Variants in MPDZ observed in about 807,000 individuals in gnomAD.
The protein encoded by MPDZ is multiple PDZ domain protein.
MPDZ carries 234 observed loss-of-function variants against 239.1 expected under a neutral mutation model. The observed-to-expected ratio is 0.98, with a 90% CI of 0.88 to 1.09. MPDZ has a LOEUF of 1.09. Ranked by LOEUF, MPDZ falls within the 50% of genes least tolerant of loss-of-function variation. The pLI is 0.00. For synonymous variants in MPDZ, 1,048 were observed against 881.3 expected (o/e 1.19, Z -3.35); for missense variants, 3,175 against 2,510.0 (o/e 1.26, Z -5.66).
At chr9:13,169,842 A>C (rs1951559151) in intron 21 of MPDZ, among the ~76,000 whole-genome samples, 1 of 152,126 alleles carries the variant, frequency 6.6e-6, no homozygotes, top group South Asian at 2.1e-4. Context: ...CCACAAATGC[A>C]TCTCGTCTCT....
chr9:13,133,850 T>A lies in MPDZ; in HGVS notation c.4438A>T (p.Asn1480Tyr). The A allele has an allele frequency of 3.1e-6, 5 of 1,607,028 alleles. No homozygotes were observed. The highest frequency in any genetic ancestry group is 4.3e-6 in the Non-Finnish European group (5 of 1,175,384). The change falls in exon 32 of 47, where the codon AAT becomes TAT. Residue 1480 changes from asparagine (N) to tyrosine (Y), a missense_variant. Transcript: ENST00000319217. ...TTGGGAAGCTCCAGATGTTGCACAT[T>A]TTTAAATGAACTGAGGTCCACAGCT... ...DAAVDLSSFK[N>Y]VQHLELPKDQ...
intron 1 of MPDZ, among the ~76,000 whole-genome samples, chr9:13,255,527 G>T (rs1969227565): frequency 6.6e-6 from 1 of 152,160 alleles, no homozygotes; most frequent in Non-Finnish European, 1.5e-5. Context: ...AATAAGACTT[G>T]AAAGTCAAAA....
In MPDZ at chr9:13,237,988, C is replaced by T. The variant is rs115353366; in HGVS notation, c.183+9647G>A. 4.8e-3 allele frequency among the ~76,000 whole-genome samples: 735 copies of T among 152,214 alleles called. 4 individuals carry two copies. The highest frequency in any genetic ancestry group is 0.016 in the African/African-American group (652 of 41,550). ...TTTTCCTGTAGTAGAGAGTGAAATACTTATTGATTTGGTTTCAGATTTCAC... is the reference window on the plus strand; with the variant it reads ...TTTTCCTGTAGTAGAGAGTGAAATATTTATTGATTTGGTTTCAGATTTCAC... On this transcript the variant is annotated intron_variant, in intron 3 of 46. Transcript: ENST00000319217.
chr9:13,278,257 G>A (rs13289853), intron 1 of MPDZ, among the ~76,000 whole-genome samples: 1,682 of 152,180 alleles, frequency 0.011, 14 homozygotes, highest in Middle Eastern at 0.02. Context: ...TGATACCTAG[G>A]AAACACTAGC....
At chr9:13,126,832 G>GGATA in intron 32 of MPDZ, 60 bp from the exon 33 acceptor site, 1 of 1,372,690 alleles carries the variant, frequency 7.3e-7, no homozygotes, top group Non-Finnish European at 1.0e-6. Context: ...TTATCCAAAT[G>GGATA]GATACCAAGG....
rs772848873 is a variant in MPDZ at position 13,223,560 on chromosome 9, G to A, written c.533+11C>T. On this transcript the variant is annotated intron_variant, in intron 5 of 46. Coordinates refer to ENST00000319217, the MANE Select transcript of MPDZ (RefSeq NM_001378778.1). Reference sequence around the variant, plus strand: ...GGATCAAAAACAAAGAAGACGCCGCGACCATCTCACCTATGGGCCACACTG... The same window carrying A: ...GGATCAAAAACAAAGAAGACGCCGCAACCATCTCACCTATGGGCCACACTG... The A allele has an allele frequency of 1.9e-6, 3 of 1,596,204 alleles. No homozygotes were observed. The highest frequency in any genetic ancestry group is 2.3e-5 in the South Asian group (2 of 87,272).
At chr9:13,177,392 A>G (rs1952636366) in intron 19 of MPDZ, among the ~76,000 whole-genome samples, 2 of 152,178 alleles carry the variant, frequency 1.3e-5, no homozygotes, top group Non-Finnish European at 2.9e-5. Context: ...CCCAGTAAAA[A>G]TGGCTAGCAT....
In MPDZ at chr9:13,160,957, G is replaced by A. The variant is rs560457999; in HGVS notation, c.3359+1734C>T. On this transcript the variant is annotated intron_variant, in intron 23 of 46. Transcript: ENST00000319217. ...TAAACTATATGGGAGAATGTGCATA[G>A]GTTATGTGCGAATACTACACCCTTT... is the stretch of plus-strand genomic sequence containing the variant. 1.2e-4 allele frequency among the ~76,000 whole-genome samples: 18 copies of A among 146,880 alleles called. No individual in the cohort carries two copies. In the South Asian group the frequency reaches 3.5e-3, roughly 28 times the overall value.
At chr9:13,241,988 T>C (rs1285515130) in intron 3 of MPDZ, among the ~76,000 whole-genome samples, 1 of 152,116 alleles carries the variant, frequency 6.6e-6, no homozygotes, top group African/African-American at 2.4e-5. Context: ...TAGAATTTGC[T>C]CCTGTTTTGA....
intron 43 of MPDZ, 122 bp downstream of exon 43, chr9:13,111,902 G>C (rs1281139331): frequency 1.5e-5 from 14 of 915,780 alleles, no homozygotes; most frequent in Non-Finnish European, 2.2e-5. Context: ...GGTTGGATTA[G>C]ATGATTTAAA....
At chr9:13,271,250 G>A (rs1972888227) in intron 1 of MPDZ, among the ~76,000 whole-genome samples, 1 of 151,952 alleles carries the variant, frequency 6.6e-6, no homozygotes, top group Non-Finnish European at 1.5e-5. Flanking sequence ...ATCAAAATGG[G>A]GCATGAATTT....
intron 4 of MPDZ, 59 bp downstream of exon 4, chr9:13,224,315 G>C (rs1274014335): frequency 1.4e-6 from 2 of 1,390,624 alleles, no homozygotes; most frequent in African/African-American, 1.4e-5. Context: ...TCCATAACTT[G>C]ATCACATTCT....
At chr9:13,114,964 T>C (rs1943151554) in intron 40 of MPDZ, among the ~76,000 whole-genome samples, 1 of 152,170 alleles carries the variant, frequency 6.6e-6, no homozygotes, top group Admixed American at 6.5e-5. Context: ...TGGTAGGCTT[T>C]ACAATTAGGT....
chr9:13,265,545 G>A (rs1480185887), intron 1 of MPDZ, among the ~76,000 whole-genome samples: 1 of 152,160 alleles, frequency 6.6e-6, no homozygotes, highest in Non-Finnish European at 1.5e-5. Context: ...CTCCAGCCCA[G>A]GCAACAAGAG....
intron 1 of MPDZ, among the ~76,000 whole-genome samples, chr9:13,265,289 A>G (rs570817357): frequency 1.3e-5 from 2 of 152,272 alleles, no homozygotes; most frequent in South Asian, 4.1e-4. Context: ...GGGCAGGTCG[A>G]CCGTGCATTT....
At chr9:13,123,701 A>G (rs966735304) in intron 35 of MPDZ, among the ~76,000 whole-genome samples, 1 of 152,180 alleles carries the variant, frequency 6.6e-6, no homozygotes, top group Admixed American at 6.5e-5. Context: ...AGAACTCATA[A>G]CTGAGATATG....
At chr9:13,155,091 C>T (rs999058237) in intron 24 of MPDZ, among the ~76,000 whole-genome samples, 1 of 149,974 alleles carries the variant, frequency 6.7e-6, no homozygotes, top group Non-Finnish European at 1.5e-5. Context: ...GTGGTGCGCA[C>T]CTGTAGTCCC....
chr9:13,222,575 C>G lies in MPDZ; in HGVS notation c.534-129G>C, dbSNP rs1587915512. 6 of 730,708 alleles carry G rather than the reference C, an allele frequency of 8.2e-6. No individual in the cohort carries two copies. The East Asian group carries it at 1.6e-4, about 19-fold the overall frequency. 45.3% of individuals were successfully genotyped at this position (730,708 alleles called of 1,614,324 possible). ...TTCCCACACTCTAAGCTTTTTCCTG[C>G]AGTTCTACTTTAAAAAAAATACACG... On this transcript the variant is annotated intron_variant, in intron 5 of 46. Coordinates refer to ENST00000319217, the MANE Select transcript of MPDZ (RefSeq NM_001378778.1).
intron 23 of MPDZ, among the ~76,000 whole-genome samples, chr9:13,158,615 A>G (rs1329495448): frequency 6.6e-6 from 1 of 152,128 alleles, no homozygotes; most frequent in African/African-American, 2.4e-5. Flanking sequence ...CATTTTTGAA[A>G]AATTAAGTGA....
Sources: gnomAD v4.1 joint callset for allele counts (sites outside exome capture counted in the v4.1 genomes callset) on GRCh38, gnomAD v4.1.1 for gene constraint, MANE v1.5 for transcripts, NCBI Gene and HGNC (gene_info 2026-07-23, HGNC 2026-07-21) for gene names.